NLRP12: variants seen among roughly 807,000 people sequenced by gnomAD.
NLRP12 encodes NLR family pyrin domain containing 12, also known as NACHT, LRR and PYD domains-containing protein 12.
NLRP12 carries 108 observed loss-of-function variants against 91.2 expected under a neutral mutation model. The observed-to-expected ratio is 1.18, with a 90% CI of 1.01 to 1.39. NLRP12 has a LOEUF of 1.39. Ranked by LOEUF, NLRP12 falls within the 40% of genes most tolerant of loss-of-function variation. The pLI is 0.00. For synonymous variants in NLRP12, 613 were observed against 566.7 expected, an observed-to-expected ratio of 1.08 and a Z score of -1.16; for missense variants, 1,530 against 1,352.7, an observed-to-expected ratio of 1.13 and a Z score of -2.06.
At chr19:53,793,669 C>G (rs1163723126), downstream of NLRP12, 3 of 313,254 alleles carry the variant, frequency 9.6e-6, no homozygotes, top group African/African-American at 6.5e-5. Flanking sequence ...ACTGCAACCT[C>G]CACCTCCCGG....
chr19:53,799,627 C>CATG (rs2091833798), intron 7 of NLRP12, among the ~76,000 whole-genome samples: 5 of 151,812 alleles, frequency 3.3e-5, no homozygotes, highest in African/African-American at 1.2e-4. Context: ...GGATATCAGG[C>CATG]GTCCGCCACC....
Position 53,805,188 on chromosome 19 carries a change from G to A in NLRP12, c.2414+92C>T, listed in dbSNP as rs2091937648. On this transcript the variant is annotated intron_variant, in intron 5 of 9. Coordinates refer to ENST00000324134, the MANE Select transcript of NLRP12 (RefSeq NM_144687.4). ...GGTTAAGGGCCAGCCCTGATTTAAA[G>A]GTGGAGATTTGGGGATTACCAGCAT... is the stretch of plus-strand genomic sequence containing the variant. 6.7e-6 allele frequency: 9 copies of A among 1,350,470 alleles called. No homozygotes were observed. In the East Asian group the frequency reaches 1.6e-4, roughly 24 times the overall value. 83.7% of individuals were successfully genotyped at this position (1,350,470 alleles called of 1,614,324 possible). A position where few individuals can be genotyped will look rare whatever the true frequency, so the allele number is the denominator to read the frequency against.
At chr19:53,807,470 A>G (rs963958936) in intron 4 of NLRP12, 25 bp downstream of exon 4, 2 of 1,609,194 alleles carry the variant, frequency 1.2e-6, no homozygotes, top group Non-Finnish European at 1.7e-6. Flanking sequence ...GACCACCTGA[A>G]ACGCCCAGAC....
intron 1 of NLRP12, among the ~76,000 whole-genome samples, chr19:53,818,129 G>A (rs542197616): frequency 1.3e-5 from 2 of 150,990 alleles, no homozygotes; most frequent in East Asian, 3.9e-4. Flanking sequence ...TGTTGCTCAG[G>A]CTGGAGTAGT....
intron 7 of NLRP12, among the ~76,000 whole-genome samples, chr19:53,800,928 C>A (rs2091858194): frequency 6.6e-6 from 1 of 151,966 alleles, no homozygotes; most frequent in Admixed American, 6.6e-5. Context: ...GGTGCAGTGG[C>A]TCAAGCCTGT....
intron 6 of NLRP12, among the ~76,000 whole-genome samples, chr19:53,802,483 G>A (rs927808152): frequency 1.2e-4 from 18 of 151,704 alleles, no homozygotes; most frequent in Admixed American, 1.1e-3. Flanking sequence ...TGAGGCGGGC[G>A]GGTCACGAGG....
At chr19:53,805,182 T>C (rs2091937543) in intron 5 of NLRP12, 98 bp downstream of exon 5, 2 of 1,322,624 alleles carry the variant, frequency 1.5e-6, no homozygotes, top group South Asian at 1.2e-5. Flanking sequence ...CCAGCCCTGA[T>C]TTAAAGGTGG....
Position 53,814,958 on chromosome 19 carries a change from C to T in NLRP12, c.320G>A (p.Gly107Glu). The change falls in exon 2 of 10, where the codon GGG becomes GAG. Residue 107 changes from glycine to glutamate, a missense_variant. Gly to Glu is a moderately conservative substitution (Grantham distance 98). Coordinates refer to ENST00000324134, the MANE Select transcript of NLRP12 (RefSeq NM_144687.4). Reference protein sequence around the residue: ...DTPPGGPSSLGNQSTCLLEVS... With the variant: ...DTPPGGPSSLENQSTCLLEVS... ...TTCCAGAAGGCATGTTGACTGGTTC[C>T]CAAGTGAGGACGGGCCACCAGGTGG... The T allele has an allele frequency of 6.2e-7, 1 of 1,614,004 alleles. No individual in the cohort carries two copies. Among genetic ancestry groups the T allele is most frequent in the Non-Finnish European group, 8.5e-7 (1 of 1,179,962 alleles).
chr19:53,823,413 ATGT>A (rs1568702563), intron 1 of NLRP12, among the ~76,000 whole-genome samples: 2 of 104,326 alleles, frequency 1.9e-5, no homozygotes, highest in African/African-American at 7.1e-5. Context: ...TTTAAAATAT[ATGT>A]TTTAAATATA....
intron 4 of NLRP12, 186 bp from the exon 5 acceptor site, chr19:53,805,636 G>C (rs774469578): frequency 4.3e-5 from 28 of 653,606 alleles, no homozygotes; most frequent in Non-Finnish European, 6.9e-5. Flanking sequence ...TCCTGCCTTG[G>C]CCTCCTGAGT....
intron 5 of NLRP12, among the ~76,000 whole-genome samples, chr19:53,804,476 G>A (rs1341861009): frequency 5.8e-5 from 8 of 137,322 alleles, no homozygotes; most frequent in Admixed American, 2.5e-4. Context: ...TTGCCTCACC[G>A]CAACCTCCAC....
intron 1 of NLRP12, among the ~76,000 whole-genome samples, chr19:53,819,656 T>C (rs62143200): frequency 0.6 from 22,331 of 37,318 alleles, 8,280 homozygotes; most frequent in African/African-American, 0.63. Flanking sequence ...CGTATATATA[T>C]ACACATGTAT....
rs757126292 is a variant in NLRP12 at position 53,809,832 on chromosome 19, G to C, written c.1827C>G (p.Gly609=). 43 of 1,614,018 alleles carry C rather than the reference G, an allele frequency of 2.7e-5. No individual in the cohort carries two copies. The highest frequency in any genetic ancestry group is 1.3e-4 in the Admixed American group (8 of 59,990). ...ACAAGCAGCTGAAGAACTCCAAGGA[G>C]CCCTGCTGCAGGGTGGAGCCGTCGC... ...AQSDGSTLQQ[G]SLEFFSCLYE... Residue 609 remains glycine (G), a synonymous_variant, in exon 3 of 10, where the codon GGC becomes GGG. Coordinates refer to ENST00000324134, the MANE Select transcript of NLRP12 (RefSeq NM_144687.4).
rs781078208 is a variant in NLRP12, at chr19:53,810,306, G to A, written c.1353C>T (p.Arg451=). 1.2e-6 allele frequency: 2 copies of A among 1,613,876 alleles called. No individual in the cohort carries two copies. The highest frequency in any genetic ancestry group is 2.2e-5 in the South Asian group (2 of 91,086). The change falls in exon 3 of 10, where the codon CGC becomes CGT. Residue 451 remains arginine, a synonymous_variant. Transcript: ENST00000324134. ...CTCTCTGGTTGGGTGGGGGCTGGAGGCGCGGGGCCCCCGGCTTGGGTTGCA... is the reference window on the plus strand; with the variant it reads ...CTCTCTGGTTGGGTGGGGGCTGGAGACGCGGGGCCCCCGGCTTGGGTTGCA... ...SLMQPKPGAP[R]LQPPPNQRGL... is the part of the protein sequence containing the mutation.
chr19:53,809,013 G>C (rs2092007811), intron 3 of NLRP12, among the ~76,000 whole-genome samples: 1 of 151,906 alleles, frequency 6.6e-6, no homozygotes, highest in Non-Finnish European at 1.5e-5. Context: ...ATCACTTGAG[G>C]TCAGGAGTTC....
In NLRP12 at chr19:53,811,053, T is replaced by C. The variant is rs747390376; in HGVS notation, c.606A>G (p.Pro202=). 1 of 1,612,454 alleles carries C rather than the reference T, an allele frequency of 6.2e-7. No homozygotes were observed. Among genetic ancestry groups the C allele is most frequent in the Non-Finnish European group, 8.5e-7 (1 of 1,178,774 alleles). ...GCGGTGGCTCGGGGCGCTCCTCGTC[T>C]GGCTCAAAGAGGGTCTCTATCTTGA... The part of the protein sequence containing the change: ...SPIKIETLFE[P]DEERPEPPRT... Residue 202 remains proline (P), a synonymous_variant, in exon 3 of 10, where the codon CCA becomes CCG. Transcript: ENST00000324134.
intron 1 of NLRP12, among the ~76,000 whole-genome samples, chr19:53,822,942 A>G (rs1452448849): frequency 4.0e-5 from 6 of 151,356 alleles, no homozygotes; most frequent in Non-Finnish European, 5.9e-5. Context: ...TAATTTTTGT[A>G]TTTTTAGTAG....
intron 5 of NLRP12, 149 bp downstream of exon 5, chr19:53,805,131 C>G: frequency 1.3e-6 from 1 of 789,484 alleles, no homozygotes; most frequent in Non-Finnish European, 2.1e-6. Context: ...TCCAAAGTGC[C>G]TAGAGTCCAG....
intron 1 of NLRP12, among the ~76,000 whole-genome samples, chr19:53,823,489 A>AACAT (rs1568703171): frequency 6.3e-5 from 5 of 78,804 alleles, no homozygotes; most frequent in South Asian, 3.7e-4. Context: ...TATATTTTAA[A>AACAT]ATATATTTAT....
Sources: gnomAD v4.1 joint callset for allele counts (sites outside exome capture counted in the v4.1 genomes callset) on GRCh38, gnomAD v4.1.1 for gene constraint, MANE v1.5 for transcripts, NCBI Gene and HGNC (gene_info 2026-07-23, HGNC 2026-07-21) for gene names.